The following HNRNPL variants were observed in gnomAD, a reference collection of about 807,000 sequenced individuals.
HNRNPL encodes the protein epididymis secretory sperm binding protein.
HNRNPL carries 12 observed loss-of-function variants against 64.0 expected under a neutral mutation model. The ratio of observed to expected loss-of-function variants is 0.19; its 90% confidence interval spans 0.12 to 0.30. The LOEUF is 0.30. Among genes scored for constraint, HNRNPL ranks in the 10% least tolerant of loss-of-function variants. The pLI is 1.00. For missense variants in HNRNPL, 484 were observed against 797.4 expected (o/e 0.61, Z 4.73); for synonymous variants, 385 against 313.0 (o/e 1.23, Z -2.43).
intron 7 of HNRNPL, 42 bp from the exon 8 acceptor site, chr19:38,840,418 T>G (rs1345474096): frequency 6.4e-6 from 10 of 1,565,728 alleles, no homozygotes; most frequent in Non-Finnish European, 8.7e-6. Flanking sequence ...GGGTGAGAAT[T>G]TGCACGGCGG....
At chr19:38,850,119 C>G, upstream of HNRNPL, 1 of 570,750 alleles carries the variant, frequency 1.8e-6, no homozygotes, top group Non-Finnish European at 2.8e-6. Context: ...ATTGCCCACG[C>G]CGTTCTGCAG....
At chr19:38,849,568 T>A in intron 1 of HNRNPL, 132 bp downstream of exon 1, 1 of 1,164,994 alleles carries the variant, frequency 8.6e-7, no homozygotes, top group Non-Finnish European at 1.1e-6. Context: ...CGGCCGCCCC[T>A]CCCCCACACC....
rs979172247 is a variant in HNRNPL, at chr19:38,844,098, G to A, written c.717C>T (p.Asp239=). The A allele has an allele frequency of 6.2e-7, 1 of 1,608,172 alleles. No homozygotes were observed. Among genetic ancestry groups the A allele is most frequent in the African/African-American group, 1.3e-5 (1 of 74,802 alleles). ...KNGVQAMVEF[D]SVQSAQRAKA... ...TGGCCCGCTGGGCACTTTGAACTGA[G>A]TCAAATGTGAGTCAAGTTAAGGAAA... Residue 239 remains aspartate, a synonymous_variant, in exon 5 of 13, where the codon GAC becomes GAT. Transcript: ENST00000221419.
chr19:38,836,789 G>C lies in HNRNPL; in HGVS notation c.1712-9C>G. On this transcript the variant is annotated splice_polypyrimidine_tract_variant and intron_variant, in intron 12 of 12. Coordinates refer to ENST00000221419, the MANE Select transcript of HNRNPL (RefSeq NM_001533.3). Reference sequence around the variant, plus strand: ...GTAAGGGTATGGACCATCTGCAAAGGAGAGACAAGTTTGGTTGGTTCCCGT... The same window carrying C: ...GTAAGGGTATGGACCATCTGCAAAGCAGAGACAAGTTTGGTTGGTTCCCGT... The C allele has an allele frequency of 6.2e-7, 1 of 1,609,642 alleles. No individual in the cohort carries two copies. The highest frequency in any genetic ancestry group is 8.5e-7 in the Non-Finnish European group (1 of 1,178,002).
chr19:38,849,469 G>C (rs1568376270), intron 1 of HNRNPL: 2 of 492,194 alleles, frequency 4.1e-6, no homozygotes, highest in Admixed American at 9.0e-5. Context: ...CGCCTCACGA[G>C]CTACTTCCTC....
rs150767687 is a variant in HNRNPL at position 38,839,340 on chromosome 19, T to C, written c.1234-325A>G. On this transcript the variant is annotated intron_variant, in intron 8 of 12. Transcript: ENST00000221419. ...CACACAGACGTGTGTGATCTATGGATGGCTGTGTCTACAGTCACAAGGTAA... is the reference window on the plus strand; with the variant it reads ...CACACAGACGTGTGTGATCTATGGACGGCTGTGTCTACAGTCACAAGGTAA... 87 of 301,516 alleles carry C rather than the reference T, an allele frequency of 2.9e-4. No homozygotes were observed. In the East Asian group the frequency reaches 6.2e-3, roughly 21 times the overall value. 18.7% of individuals were successfully genotyped at this position (301,516 alleles called of 1,614,324 possible).
Position 38,836,598 on chromosome 19 carries a change from TAAAAAAAAAAAA to T in HNRNPL, c.*112_*123del, listed in dbSNP as rs35433653. On this transcript the variant is annotated 3_prime_UTR_variant, in exon 13 of 13. Transcript: ENST00000221419. ...AGTAAGCCTCTACAAACCTAGCATT[TAAAAAAAAAAAA>T]AAAAAAAAAAAAAAGGAATACAAGA... 7 of 136,624 alleles carry T rather than the reference TAAAAAAAAAAAA, an allele frequency of 5.1e-5. No individual in the cohort carries two copies. The highest frequency in any genetic ancestry group is 1.8e-4 in the Admixed American group (2 of 11,236). The allele number at this position is 136,624 out of a possible 1,614,324, so 8.5% of individuals were successfully genotyped here.
chr19:38,850,692 G>T (rs968548987), upstream of HNRNPL, among the ~76,000 whole-genome samples: 1 of 152,232 alleles, frequency 6.6e-6, no homozygotes, highest in Non-Finnish European at 1.5e-5. Context: ...GCTAGACCAA[G>T]ATTGACAGGA....
chr19:38,847,326 C>T lies in HNRNPL; in HGVS notation c.376G>A (p.Gly126Arg). 6.6e-7 allele frequency: 1 copy of T among 1,509,492 alleles called. No homozygotes were observed. The highest frequency in any genetic ancestry group is 8.9e-7 in the Non-Finnish European group (1 of 1,121,594). The allele number at this position is 1,509,492 out of a possible 1,614,324, so 93.5% of individuals were successfully genotyped here. A position where few individuals can be genotyped will look rare whatever the true frequency, so the allele number is the denominator to read the frequency against. ...CTCTGAGCCCAGTACCTGATGGGTC[C>T]AAACTCCTGCAAGGCCTCCACAAGG... ...ADLVEALQEF[G>R]PISYVVVMPK... The change falls in exon 2 of 13, where the codon GGA (glycine) becomes AGA (arginine). Residue 126 changes from glycine to arginine, a missense_variant. This residue lies in a region of HNRNPL where 23 missense variants were observed against 70.8 expected (regional missense o/e 0.32). Transcript: ENST00000221419.
intron 1 of HNRNPL, chr19:38,849,234 T>TA (rs1972411105): frequency 6.0e-6 from 1 of 167,492 alleles, no homozygotes; most frequent in Admixed American, 6.4e-5. Context: ...GGCTGGGCCT[T>TA]AGAGATTAAG....
upstream of HNRNPL, among the ~76,000 whole-genome samples, chr19:38,850,667 T>G (rs1972480726): frequency 6.6e-6 from 1 of 152,214 alleles, no homozygotes; most frequent in Admixed American, 6.5e-5. Flanking sequence ...GCGACCGCTG[T>G]GTGTGCGCCG....
chr19:38,838,960 T>G lies in HNRNPL; in HGVS notation c.1289A>C (p.Tyr430Ser), dbSNP rs774292826. Residue 430 changes from tyrosine to serine, a missense_variant, in exon 9 of 13, where the codon TAC becomes TCC. Transcript: ENST00000221419. ...GTGGGTAATGGCCCGGTCTACAGCG[T>G]AGCCATCAGCCATCTCCACCATGGC... ...GAAMVEMADG[Y>S]AVDRAITHLN... 6.2e-7 allele frequency: 1 copy of G among 1,614,152 alleles called. No homozygotes were observed. The highest frequency in any genetic ancestry group is 1.7e-5 in the Admixed American group (1 of 60,018).
chr19:38,838,640 T>A lies in HNRNPL; in HGVS notation c.1356-42A>T, dbSNP rs745951413. Reference sequence around the variant, plus strand: ...AGGGGAGCCTTTGTCATACCCAAAGTTGTCCCTGAAGCTTTCCCCTGTGGC... The same window carrying A: ...AGGGGAGCCTTTGTCATACCCAAAGATGTCCCTGAAGCTTTCCCCTGTGGC... On this transcript the variant is annotated intron_variant, in intron 9 of 12. Coordinates refer to ENST00000221419, the MANE Select transcript of HNRNPL (RefSeq NM_001533.3). 11 of 1,585,964 alleles carry A rather than the reference T, an allele frequency of 6.9e-6. No homozygotes were observed. In the Admixed American group the frequency reaches 8.6e-5, roughly 12 times the overall value.
intron 8 of HNRNPL, 72 bp downstream of exon 8, chr19:38,840,023 CT>C (rs1429790165): frequency 1.2e-4 from 174 of 1,469,752 alleles, no homozygotes; most frequent in Middle Eastern, 6.9e-4. Context: ...AGGCTCCCCC[CT>C]GGTTCTTTCC....
intron 2 of HNRNPL, among the ~76,000 whole-genome samples, chr19:38,846,949 C>A (rs1408254786): frequency 6.6e-6 from 1 of 151,900 alleles, no homozygotes; most frequent in Non-Finnish European, 1.5e-5. Context: ...TAAAAATTAG[C>A]CGGGCATGGT....
chr19:38,846,554 T>G (rs766060167), intron 2 of HNRNPL, among the ~76,000 whole-genome samples: 29 of 152,158 alleles, frequency 1.9e-4, no homozygotes, highest in Non-Finnish European at 3.8e-4. Context: ...GGCAGACTGC[T>G]TGGGCCTAGG....
rs770684163 is a variant in HNRNPL at position 38,845,658 on chromosome 19, C to T, written c.702G>A (p.Ala234=). ...IVIFRKNGVQ[A]MVEFDSVQSA... ...TTTCCAGCAAAGGATATTCCACCATCGCCTGAACTCCATTCTTCCTGAAAA... is the reference window on the plus strand; with the variant it reads ...TTTCCAGCAAAGGATATTCCACCATTGCCTGAACTCCATTCTTCCTGAAAA... Residue 234 remains alanine, a synonymous_variant, in exon 4 of 13, where the codon GCG becomes GCA. Transcript: ENST00000221419. The T allele has an allele frequency of 6.2e-6, 10 of 1,612,468 alleles. No individual in the cohort carries two copies. The highest frequency in any genetic ancestry group is 3.3e-5 in the Admixed American group (2 of 60,018).
intron 6 of HNRNPL, 191 bp downstream of exon 6, chr19:38,843,651 C>T: frequency 1.7e-6 from 1 of 599,772 alleles, no homozygotes. Flanking sequence ...GGGCCCCAAG[C>T]AGCAGTGAAG....
At position 38,840,653 on chromosome 19, in the gene HNRNPL, T is replaced by C. The variant is rs561817674; in HGVS notation, c.881-94A>G. 59 of 1,021,300 alleles carry C rather than the reference T, an allele frequency of 5.8e-5. No individual in the cohort carries two copies. The South Asian group carries it at 8.1e-4, about 14-fold the overall frequency. 63.3% of individuals were successfully genotyped at this position (1,021,300 alleles called of 1,614,324 possible). A position where few individuals can be genotyped will look rare whatever the true frequency, so the allele number is the denominator to read the frequency against. The stretch of plus-strand genomic sequence containing the variant: ...CAGGCTGATCTGAGCCCCCAGCTCC[T>C]GCCAACTGCAAGCCCTCCCTTCCTC... On this transcript the variant is annotated intron_variant, in intron 6 of 12. Coordinates refer to ENST00000221419, the MANE Select transcript of HNRNPL (RefSeq NM_001533.3).
Sources: allele counts gnomAD v4.1 joint callset (sites outside exome capture counted in the v4.1 genomes callset), GRCh38; gene constraint gnomAD v4.1.1; regional missense constraint gnomAD v4.1.1; transcripts MANE v1.5; gene names NCBI Gene and HGNC (gene_info 2026-07-23, HGNC 2026-07-21).